Variants in EXT2 observed in about 807,000 individuals in gnomAD.
EXT2 encodes exostosin-2.
EXT2 carries 53 observed loss-of-function variants against 81.6 expected under a neutral mutation model. The ratio of observed to expected loss-of-function variants is 0.65; its 90% CI spans 0.52 to 0.82. The LOEUF (loss-of-function observed/expected upper bound fraction) is 0.82. EXT2 is among the 40% of genes least tolerant of loss of function. EXT2 has a pLI of 0.00. For synonymous variants in EXT2, 320 were observed against 340.0 expected (o/e 0.94, Z 0.65); for missense variants, 774 against 910.2 (o/e 0.85, Z 1.93).
intron 3 of EXT2, among the ~76,000 whole-genome samples, chr11:44,113,816 G>A (rs1278359465): frequency 6.6e-6 from 1 of 152,136 alleles, no homozygotes; most frequent in Non-Finnish European, 1.5e-5. Context: ...GTCTTCCCAT[G>A]CAGAACTGTT....
At chr11:44,203,877 A>T (rs1022336338) in intron 9 of EXT2, among the ~76,000 whole-genome samples, 1 of 152,230 alleles carries the variant, frequency 6.6e-6, no homozygotes, top group Non-Finnish European at 1.5e-5. Context: ...GTTGGCAAAG[A>T]AGAGATGTTT....
At chr11:44,210,499 G>A (rs914650885) in intron 10 of EXT2, among the ~76,000 whole-genome samples, 12 of 152,092 alleles carry the variant, frequency 7.9e-5, no homozygotes, top group African/African-American at 2.7e-4. Flanking sequence ...AAGTGGGGAG[G>A]GTCAGGCTGT....
At position 44,247,072 on chromosome 11, in the gene EXT2, T is replaced by C. The variant is rs1233457727; in HGVS notation, c.*2785T>C. Among the ~76,000 whole-genome samples the C allele has an allele frequency of 6.6e-6, 1 of 152,230 alleles. No homozygotes were observed. Among genetic ancestry groups the C allele is most frequent in the Non-Finnish European group, 1.5e-5 (1 of 68,042 alleles). On this transcript the variant is annotated 3_prime_UTR_variant, in exon 14 of 14. Transcript: ENST00000533608. Reference sequence around the variant, plus strand: ...GAATGCCAGGGCTGGAAATACTTTTTTATTTTGCTGATTAACATTACATAG... The same window carrying C: ...GAATGCCAGGGCTGGAAATACTTTTCTATTTTGCTGATTAACATTACATAG...
intron 8 of EXT2, among the ~76,000 whole-genome samples, chr11:44,188,142 A>C (rs1360910752): frequency 2.0e-5 from 3 of 152,240 alleles, no homozygotes; most frequent in African/African-American, 7.2e-5. Flanking sequence ...CTGAGCTGGC[A>C]GGAAAGTAAG....
At chr11:44,228,866 T>G (rs1270757777) in intron 10 of EXT2, among the ~76,000 whole-genome samples, 3 of 152,178 alleles carry the variant, frequency 2.0e-5, no homozygotes, top group African/African-American at 7.2e-5. Context: ...GTAATTATTA[T>G]GGCTGCAAAA....
At chr11:44,103,588 TG>T in intron 1 of EXT2, 2 of 407,374 alleles carry the variant, frequency 4.9e-6, no homozygotes, top group Admixed American at 3.6e-5. Context: ...GAATAATTTG[TG>T]GAAAATTGGA....
At chr11:44,096,629 G>C (rs573518745) in intron 1 of EXT2, among the ~76,000 whole-genome samples, 1 of 152,172 alleles carries the variant, frequency 6.6e-6, no homozygotes, top group Non-Finnish European at 1.5e-5. Flanking sequence ...TGTTAGTCTC[G>C]GGACTAGGTG....
At position 44,210,647 on chromosome 11, in the gene EXT2, A is replaced by C. The variant is rs116076381; in HGVS notation, c.1662+3688A>C. Among the ~76,000 whole-genome samples the C allele has an allele frequency of 8.2e-3, 1,255 of 152,316 alleles. 16 individuals carry two copies. Among genetic ancestry groups the C allele is most frequent in the African/African-American group, 0.028 (1,161 of 41,564 alleles). On this transcript the variant is annotated intron_variant, in intron 10 of 13. Transcript: ENST00000533608. ...CATGTCAAATTATACACTTTAAATAAATTATTTATTGTATATCAACTATAT... is the reference window on the plus strand; with the variant it reads ...CATGTCAAATTATACACTTTAAATACATTATTTATTGTATATCAACTATAT...
chr11:44,242,686 A>C (rs1956050580), intron 13 of EXT2, among the ~76,000 whole-genome samples: 1 of 152,136 alleles, frequency 6.6e-6, no homozygotes, highest in Non-Finnish European at 1.5e-5. Flanking sequence ...AATCCATGAG[A>C]TATGTATGTA....
chr11:44,214,151 T>G (rs1042650032), intron 10 of EXT2, among the ~76,000 whole-genome samples: 2 of 152,044 alleles, frequency 1.3e-5, no homozygotes, highest in African/African-American at 4.8e-5. Flanking sequence ...AGTCTCTCTG[T>G]CGCCCAGGCT....
rs754799899 is a variant in EXT2 at position 44,144,339 on chromosome 11, G to A, written c.1173+14201G>A. ...GGCCTAGGGAACAGTGGGATTCACA[G>A]GCATGGGTGACTTAGAAAACCGGGC... is the stretch of plus-strand genomic sequence containing the variant. On this transcript the variant is annotated intron_variant, in intron 7 of 13. Coordinates refer to ENST00000533608, the MANE Select transcript of EXT2 (RefSeq NM_207122.2). 74 of 1,596,960 alleles carry A rather than the reference G, an allele frequency of 4.6e-5. No homozygotes were observed. The Admixed American group carries it at 8.5e-4, about 18-fold the overall frequency.
intron 10 of EXT2, among the ~76,000 whole-genome samples, chr11:44,215,865 ATTTTTTTT>A (rs34411687): frequency 3.1e-5 from 4 of 127,828 alleles, no homozygotes; most frequent in South Asian, 2.6e-4. Context: ...CCATTTGGGA[ATTTTTTTT>A]TTTTTTTTTT....
chr11:44,114,444 C>T lies in EXT2; in HGVS notation c.743+143C>T, dbSNP rs11606743. Reference sequence around the variant, plus strand: ...GGCACTGAGGCACCCATCTTTCCCACCTCCATGCAGTCTCATTCATCTTGC... The same window carrying T: ...GGCACTGAGGCACCCATCTTTCCCATCTCCATGCAGTCTCATTCATCTTGC... On this transcript the variant is annotated intron_variant, in intron 4 of 13. Coordinates refer to ENST00000533608, the MANE Select transcript of EXT2 (RefSeq NM_207122.2). The T allele has an allele frequency of 0.042, 32,949 of 778,640 alleles. 919 individuals carry two copies. The highest frequency in any genetic ancestry group is 0.057 in the Non-Finnish European group (24,698 of 433,966). 48.2% of individuals were successfully genotyped at this position (778,640 alleles called of 1,614,324 possible).
At chr11:44,166,373 G>A (rs1372718669) in intron 7 of EXT2, among the ~76,000 whole-genome samples, 2 of 152,214 alleles carry the variant, frequency 1.3e-5, no homozygotes, top group Non-Finnish European at 2.9e-5. Context: ...AAGCAGGATT[G>A]AGATTGTAGT....
chr11:44,200,293 C>G lies in EXT2; in HGVS notation c.1495+2275C>G, dbSNP rs1371201964. Reference sequence around the variant, plus strand: ...GATTTGTGTAGGCAGAAATCTACCCCCCTTCCCACTTTTTTTTTTTTTTCA... The same window carrying G: ...GATTTGTGTAGGCAGAAATCTACCCGCCTTCCCACTTTTTTTTTTTTTTCA... On this transcript the variant is annotated intron_variant, in intron 9 of 13. Transcript: ENST00000533608. Among the ~76,000 whole-genome samples, 6 of 151,558 alleles carry G rather than the reference C, an allele frequency of 4.0e-5. No homozygotes were observed. In the South Asian group the frequency reaches 6.2e-4, roughly 16 times the overall value.
intron 10 of EXT2, among the ~76,000 whole-genome samples, chr11:44,230,737 A>G (rs546742949): frequency 6.6e-6 from 1 of 152,332 alleles, no homozygotes; most frequent in South Asian, 2.1e-4. Context: ...CATGGCCTTA[A>G]TAACGCCTTG....
chr11:44,109,130 TAA>T lies in EXT2; in HGVS notation c.537-63_537-62del, dbSNP rs543704672. 597 of 1,563,638 alleles carry T rather than the reference TAA, an allele frequency of 3.8e-4. 6 individuals carry two copies. In the South Asian group the frequency reaches 5.4e-3, roughly 14 times the overall value. The stretch of plus-strand genomic sequence containing the variant: ...GGGATCCTTGATAGTTGTTGTCTAG[TAA>T]CTGACTCTTGTCTTTTCATAGTTGA... On this transcript the variant is annotated intron_variant, in intron 2 of 13. Coordinates refer to ENST00000533608, the MANE Select transcript of EXT2 (RefSeq NM_207122.2).
At chr11:44,241,934 G>A (rs1226958381) in intron 13 of EXT2, among the ~76,000 whole-genome samples, 2 of 152,240 alleles carry the variant, frequency 1.3e-5, no homozygotes, top group East Asian at 3.8e-4. Flanking sequence ...CTTCTCCAGT[G>A]TGGGCCTGTA....
chr11:44,119,592 T>G (rs1954287493), intron 4 of EXT2, among the ~76,000 whole-genome samples: 1 of 152,168 alleles, frequency 6.6e-6, no homozygotes. Context: ...AAGGAAAGCA[T>G]GTGTTCAGCA....
Sources: allele counts gnomAD v4.1 joint callset (sites outside exome capture counted in the v4.1 genomes callset), GRCh38; gene constraint gnomAD v4.1.1; transcripts MANE v1.5; gene names NCBI Gene and HGNC (gene_info 2026-07-23, HGNC 2026-07-21).